Variants in NLRP11 observed in about 807,000 individuals in gnomAD.
NLRP11 encodes the protein NLR family pyrin domain containing 11.
In NLRP11, 53 loss-of-function variants were observed where a neutral mutation model predicts 79.3. The observed-to-expected ratio is 0.67, with a 90% CI of 0.54 to 0.84. The LOEUF (loss-of-function observed/expected upper bound fraction) is 0.84. NLRP11 is among the 40% of genes least tolerant of loss of function. The pLI is 0.00. For synonymous variants in NLRP11, 518 were observed against 462.6 expected (o/e 1.12, Z -1.54); for missense variants, 1,264 against 1,255.0 (o/e 1.01, Z -0.11).
At chr19:55,833,807 G>A (rs1202445889), upstream of NLRP11, among the ~76,000 whole-genome samples, 4 of 145,540 alleles carry the variant, frequency 2.7e-5, no homozygotes, top group Admixed American at 1.4e-4. Flanking sequence ...ATTGGCACAC[G>A]GATGAACAAA....
intron 1 of NLRP11, among the ~76,000 whole-genome samples, chr19:55,831,677 C>A (rs1982802078): frequency 1.3e-5 from 2 of 152,188 alleles, no homozygotes; most frequent in East Asian, 1.9e-4. Flanking sequence ...ACACTCCACC[C>A]ACAGTGCACA....
At chr19:55,829,658 C>CAAAA (rs543036205) in intron 1 of NLRP11, among the ~76,000 whole-genome samples, 3 of 73,138 alleles carry the variant, frequency 4.1e-5, no homozygotes, top group Non-Finnish European at 7.5e-5. Flanking sequence ...GACTCCGTCT[C>CAAAA]AAAAAAAAAA....
At chr19:55,816,255 A>G (rs1358921903) in intron 2 of NLRP11, among the ~76,000 whole-genome samples, 1 of 152,238 alleles carries the variant, frequency 6.6e-6, no homozygotes, top group African/African-American at 2.4e-5. Context: ...GACAAAACAG[A>G]TTCCATGACA....
rs368342871 is a variant in NLRP11 at position 55,810,008 on chromosome 19, T to C, written c.602A>G (p.Glu201Gly). ...GTCAGGCCAGTCCTTGGCGATTAGCTCAGCCAAGCTGCTGTTGGTCATCTG... is the reference window on the plus strand; with the variant it reads ...GTCAGGCCAGTCCTTGGCGATTAGCCCAGCCAAGCTGCTGTTGGTCATCTG... Residue 201 changes from glutamate (E) to glycine (G), a missense_variant, in exon 3 of 10, where the codon GAG (glutamate) becomes GGG (glycine). By Grantham distance (98) the Glu-to-Gly change is moderately conservative. Coordinates refer to ENST00000589093, the Ensembl canonical transcript of NLRP11. 148 of 1,614,176 alleles carry C rather than the reference T, an allele frequency of 9.2e-5. No individual in the cohort carries two copies. Among genetic ancestry groups the C allele is most frequent in the South Asian group, 6.5e-4 (59 of 91,088 alleles).
At chr19:55,804,999 G>A (rs926289312) in intron 4 of NLRP11, among the ~76,000 whole-genome samples, 2 of 92,242 alleles carry the variant, frequency 2.2e-5, no homozygotes, top group Non-Finnish European at 4.2e-5. Context: ...GCAGGTGGAG[G>A]TTGCAGTGAG....
intron 5 of NLRP11, among the ~76,000 whole-genome samples, chr19:55,798,934 A>T (rs1979206752): frequency 1.3e-5 from 2 of 152,202 alleles, no homozygotes; most frequent in Admixed American, 6.5e-5. Context: ...AAGGAGTCAG[A>T]TGGATCCACT....
intron 6 of NLRP11, among the ~76,000 whole-genome samples, chr19:55,794,777 A>G (rs1391948171): frequency 2.0e-5 from 3 of 151,908 alleles, no homozygotes; most frequent in Non-Finnish European, 4.4e-5. Flanking sequence ...AAAAATAAAT[A>G]AAAGCATACA....
chr19:55,820,683 T>C (rs58906242), intron 1 of NLRP11, among the ~76,000 whole-genome samples: 6,895 of 150,954 alleles, frequency 0.046, 408 homozygotes, highest in African/African-American at 0.14. Context: ...TGTCTTAATC[T>C]CTCTTAACTC....
chr19:55,793,587 A>AAAC, intron 6 of NLRP11, among the ~76,000 whole-genome samples: 1 of 136,014 alleles, frequency 7.4e-6, no homozygotes, highest in Non-Finnish European at 1.6e-5. Flanking sequence ...AAAAAAAAAA[A>AAAC]GTTGAAAACA....
At chr19:55,803,013 A>G (rs1295596242) in intron 4 of NLRP11, among the ~76,000 whole-genome samples, 2 of 152,106 alleles carry the variant, frequency 1.3e-5, no homozygotes, top group Non-Finnish European at 2.9e-5. Context: ...ACAAAAACCA[A>G]CTCAAGATGG....
chr19:55,788,980 G>T lies in NLRP11; in HGVS notation c.2685-3C>A. ...TGGTTAACATGCACTCTTCTAGCCTGCAACGAAGATGCACAGGTAAGGTGG... is the reference window on the plus strand; with the variant it reads ...TGGTTAACATGCACTCTTCTAGCCTTCAACGAAGATGCACAGGTAAGGTGG... On this transcript the variant is annotated splice_region_variant and splice_polypyrimidine_tract_variant and intron_variant, in intron 8 of 9. Coordinates refer to ENST00000589093, the Ensembl canonical transcript of NLRP11. The T allele has an allele frequency of 1.2e-6, 2 of 1,613,770 alleles. No homozygotes were observed. The highest frequency in any genetic ancestry group is 1.7e-6 in the Non-Finnish European group (2 of 1,179,916).
At chr19:55,800,489 G>T (rs1979373299) in intron 5 of NLRP11, among the ~76,000 whole-genome samples, 1 of 152,064 alleles carries the variant, frequency 6.6e-6, no homozygotes, top group South Asian at 2.1e-4. Flanking sequence ...TGTATTTTTA[G>T]TAGAGGTAGA....
At chr19:55,831,461 C>T (rs766686367) in intron 1 of NLRP11, among the ~76,000 whole-genome samples, 1 of 151,982 alleles carries the variant, frequency 6.6e-6, no homozygotes, top group African/African-American at 2.4e-5. Flanking sequence ...ACTTGGGAGT[C>T]TGAGGTGGGA....
At chr19:55,806,176 CCT>C (rs146517207) in intron 4 of NLRP11, among the ~76,000 whole-genome samples, 9,527 of 152,310 alleles carry the variant, frequency 0.063, 386 homozygotes, top group Middle Eastern at 0.088. Context: ...CGTTTTGCTT[CCT>C]GAGCAACATT....
intron 1 of NLRP11, among the ~76,000 whole-genome samples, chr19:55,821,241 ACACACAC>A (rs767654601): frequency 2.4e-4 from 31 of 127,026 alleles, no homozygotes; most frequent in Admixed American, 8.0e-5. Flanking sequence ...ACACACACAC[ACACACAC>A]ACCCCAAGCA....
chr19:55,792,897 C>G (rs552867053), intron 6 of NLRP11, among the ~76,000 whole-genome samples: 2 of 152,288 alleles, frequency 1.3e-5, no homozygotes, highest in African/African-American at 4.8e-5. Flanking sequence ...AAAGTGGAGA[C>G]AGACGGCACA....
In NLRP11 at chr19:55,810,104, C is replaced by T. The variant is rs1311167482; in HGVS notation, c.506G>A (p.Arg169Lys). 5 of 1,614,042 alleles carry T rather than the reference C, an allele frequency of 3.1e-6. No homozygotes were observed. The East Asian group carries it at 8.9e-5, about 29-fold the overall frequency. ...CTGCCACATCTCACCCTTGATCCAC[C>T]TCAACACAGCCAGATTTATAACAAT... is the stretch of plus-strand genomic sequence containing the variant. The change falls in exon 3 of 10, where the codon AGG becomes AAG. Residue 169 changes from arginine (R) to lysine (K), a missense_variant. By Grantham distance (26) the Arg-to-Lys change is conservative. Coordinates refer to ENST00000589093, the Ensembl canonical transcript of NLRP11.
intron 5 of NLRP11, among the ~76,000 whole-genome samples, chr19:55,799,500 G>A (rs905460254): frequency 2.0e-5 from 3 of 152,118 alleles, no homozygotes; most frequent in African/African-American, 4.8e-5. Context: ...GAATAATCAA[G>A]GTTTGGGAAA....
intron 9 of NLRP11, among the ~76,000 whole-genome samples, chr19:55,788,156 G>A (rs1989998941): frequency 6.6e-6 from 1 of 152,164 alleles, no homozygotes; most frequent in South Asian, 2.1e-4. Context: ...AATGGATTTG[G>A]AAACATGAAA....
Sources: allele counts gnomAD v4.1 joint callset (sites outside exome capture counted in the v4.1 genomes callset), GRCh38; gene constraint gnomAD v4.1.1; transcripts MANE v1.5; gene names NCBI Gene and HGNC (gene_info 2026-07-23, HGNC 2026-07-21).